ZNF514: variants seen among roughly 807,000 people sequenced by gnomAD.
ZNF514 encodes the protein zinc finger protein 514.
A neutral mutation model predicts 9.7 loss-of-function variants in ZNF514; 12 were observed. The ratio of observed to expected loss-of-function variants is 1.24; its 90% confidence interval spans 0.79 to 2.01. ZNF514 has a LOEUF of 2.01. Ranked by LOEUF, ZNF514 falls within the 30% of genes most tolerant of loss-of-function variation. The pLI, the probability that ZNF514 is intolerant of heterozygous loss-of-function variation, is 0.00. For synonymous variants in ZNF514, 158 were observed against 163.7 expected, an observed-to-expected ratio of 0.97 and a Z score of 0.27; for missense variants, 467 against 465.5, an observed-to-expected ratio of 1.00 and a Z score of -0.03.
At chr2:95,157,490 A>G (rs1673720103) in intron 1 of ZNF514, 51 bp from the exon 2 acceptor site, 1 of 1,126,008 alleles carries the variant, frequency 8.9e-7, no homozygotes. Flanking sequence ...CAGCACACAC[A>G]GCTCTCAGAC....
Position 95,147,162 on chromosome 2 carries a change from C to G in ZNF514, c.*2120G>C, listed in dbSNP as rs1415265758. 6.6e-5 allele frequency among the ~76,000 whole-genome samples: 10 copies of G among 152,160 alleles called. No homozygotes were observed. The highest frequency in any genetic ancestry group is 6.5e-4 in the Admixed American group (10 of 15,276). On this transcript the variant is annotated 3_prime_UTR_variant, in exon 5 of 5. Coordinates refer to ENST00000295208, the MANE Select transcript of ZNF514 (RefSeq NM_032788.3). ...GGCTTCTCCACCTGAGTTACAGAGC[C>G]AACATGGTAGGAACTTTAAAGCAGA... is the stretch of plus-strand genomic sequence containing the variant.
chr2:95,149,742 A>G lies in ZNF514; in HGVS notation c.743T>C (p.Ile248Thr). ...GRAFGHISSL[I>T]KHQRTHTGEK... ...TCCAGTATGAGTTCTTTGATGTTTA[A>G]TAAGGGATGAAATATGACCAAAGGC... is the stretch of plus-strand genomic sequence containing the variant. Residue 248 changes from isoleucine to threonine, a missense_variant, in exon 5 of 5, where the codon ATT becomes ACT. Coordinates refer to ENST00000295208, the MANE Select transcript of ZNF514 (RefSeq NM_032788.3). 2 of 1,614,252 alleles carry G rather than the reference A, an allele frequency of 1.2e-6. No homozygotes were observed. Among genetic ancestry groups the G allele is most frequent in the Non-Finnish European group, 1.7e-6 (2 of 1,180,040 alleles).
chr2:95,137,928 A>G, the ZNF514 span, among the ~76,000 whole-genome samples: 6 of 152,134 alleles, frequency 3.9e-5, no homozygotes, highest in Admixed American at 3.3e-4. Flanking sequence ...AATGGAGTGC[A>G]TTCTCATGAG....
the ZNF514 span, among the ~76,000 whole-genome samples, chr2:95,129,971 CTTAT>C: frequency 1.8e-4 from 27 of 152,012 alleles, no homozygotes; most frequent in Non-Finnish European, 3.1e-4. Flanking sequence ...CCAGGGGTCT[CTTAT>C]TTATTTATTT....
downstream of ZNF514, among the ~76,000 whole-genome samples, chr2:95,141,200 T>C (rs115176396): frequency 7.6e-3 from 1,164 of 152,250 alleles, 14 homozygotes; most frequent in African/African-American, 0.027. Flanking sequence ...TATTTCTTTA[T>C]AGCATTACAA....
chr2:95,124,181 G>A, the ZNF514 span, among the ~76,000 whole-genome samples: 2 of 152,036 alleles, frequency 1.3e-5, no homozygotes, highest in African/African-American at 2.4e-5. Context: ...ATCTCCCTTC[G>A]AGTCAAACCC....
intron 2 of ZNF514, chr2:95,154,962 A>T (rs1234610414): frequency 6.6e-6 from 1 of 152,256 alleles, no homozygotes; most frequent in African/African-American, 2.4e-5. Flanking sequence ...CAAATTGTTC[A>T]GAGTGAAAAA....
the ZNF514 span, among the ~76,000 whole-genome samples, chr2:95,125,813 A>C: frequency 6.6e-6 from 1 of 152,224 alleles, no homozygotes; most frequent in Non-Finnish European, 1.5e-5. Context: ...TATTATGAAT[A>C]ATATTCCATT....
chr2:95,130,560 C>A, the ZNF514 span, among the ~76,000 whole-genome samples: 1 of 152,178 alleles, frequency 6.6e-6, no homozygotes, highest in Non-Finnish European at 1.5e-5. Flanking sequence ...CAGAGACCTA[C>A]CCCTAGGTGT....
intron 1 of ZNF514, chr2:95,158,822 A>T: frequency 7.8e-7 from 1 of 1,280,936 alleles, no homozygotes; most frequent in Non-Finnish European, 1.0e-6. Flanking sequence ...GGAAGGTTAG[A>T]TGTCGCCACA....
the ZNF514 span, among the ~76,000 whole-genome samples, chr2:95,127,770 G>C: frequency 5.3e-5 from 8 of 151,974 alleles, no homozygotes; most frequent in African/African-American, 1.9e-4. Context: ...CACCACGCCC[G>C]GCTAATTTTT....
At chr2:95,124,694 G>C in the ZNF514 span, among the ~76,000 whole-genome samples, 5 of 151,672 alleles carry the variant, frequency 3.3e-5, no homozygotes, top group African/African-American at 7.3e-5. Context: ...TAGAGACGGG[G>C]TTCCACCATG....
the ZNF514 span, among the ~76,000 whole-genome samples, chr2:95,134,390 G>C: frequency 6.6e-6 from 1 of 152,154 alleles, no homozygotes; most frequent in African/African-American, 2.4e-5. Context: ...TGGAGAACCA[G>C]ATACAGGCAG....
chr2:95,155,251 A>C (rs1201434850), intron 2 of ZNF514: 2 of 152,240 alleles, frequency 1.3e-5, no homozygotes, highest in Non-Finnish European at 1.5e-5. Flanking sequence ...GGAACTTCCC[A>C]ATGGCAAAGC....
chr2:95,132,171 CA>C, the ZNF514 span, among the ~76,000 whole-genome samples: 1 of 98,794 alleles, frequency 1.0e-5, no homozygotes, highest in African/African-American at 3.9e-5. Context: ...AAAAAAAAAA[CA>C]GAGAGAGAAA....
chr2:95,157,463 A>G (rs1450835167), intron 1 of ZNF514, 24 bp from the exon 2 acceptor site: 3 of 1,276,414 alleles, frequency 2.4e-6, no homozygotes, highest in Non-Finnish European at 2.0e-6. Context: ...AGGAGACATA[A>G]GGGAAGCTGA....
At chr2:95,152,863 G>T in intron 3 of ZNF514, 94 bp from the exon 4 acceptor site, 1 of 1,222,796 alleles carries the variant, frequency 8.2e-7, no homozygotes, top group Non-Finnish European at 1.2e-6. Context: ...CTGTAGGCAT[G>T]GAAAGCCTCC....
At chr2:95,153,977 G>A (rs1673615368) in intron 2 of ZNF514, 1 of 152,180 alleles carries the variant, frequency 6.6e-6, no homozygotes, top group African/African-American at 2.4e-5. Context: ...CAGAAAAGCT[G>A]AAGTAACAAT....
rs34282100 is a variant in ZNF514 at position 95,150,272 on chromosome 2, T to TAAA, written c.218-8_218-6dup. The TAAA allele has an allele frequency of 1.9e-3, 2,589 of 1,336,868 alleles. 3 individuals carry two copies. Among genetic ancestry groups the TAAA allele is most frequent in the African/African-American group, 4.2e-3 (261 of 61,478 alleles). 82.8% of individuals were successfully genotyped at this position (1,336,868 alleles called of 1,614,324 possible). A position where few individuals can be genotyped will look rare whatever the true frequency, so the allele number is the denominator to read the frequency against. On this transcript the variant is annotated splice_region_variant and splice_polypyrimidine_tract_variant and intron_variant, in intron 4 of 4. Transcript: ENST00000295208. ...ATTTAGACCTTCTCTTCCAGTCTGT[T>TAAA]AAAAAAAAAAAAAAAAAAAGAAGAC...
Sources: allele counts gnomAD v4.1 joint callset (sites outside exome capture counted in the v4.1 genomes callset), GRCh38; gene constraint gnomAD v4.1.1; transcripts MANE v1.5; gene names NCBI Gene and HGNC (gene_info 2026-07-23, HGNC 2026-07-21).